Variants in UGT2B10 observed in about 807,000 individuals in gnomAD.
UGT2B10 encodes UDP glucuronosyltransferase family 2 member B10, also known as UDP-glucuronosyltransferase 2B10.
A neutral mutation model predicts 43.7 loss-of-function variants in UGT2B10; 51 were observed. That is an observed-to-expected ratio of 1.17 (90% CI 0.93 to 1.47). The LOEUF (loss-of-function observed/expected upper bound fraction) is 1.47, where lower values mean the gene tolerates loss of function less well. UGT2B10 is among the 40% of genes most tolerant of loss of function. The pLI, the probability that UGT2B10 is intolerant of heterozygous loss-of-function variation, is 0.00. For synonymous variants in UGT2B10, 225 were observed against 209.0 expected (o/e 1.08, Z -0.66); for missense variants, 696 against 617.7 (o/e 1.13, Z -1.34).
At chr4:68,827,697 C>T (rs1737869876) in intron 5 of UGT2B10, 149 bp downstream of exon 5, 1 of 1,351,092 alleles carries the variant, frequency 7.4e-7, no homozygotes, top group Admixed American at 2.9e-5. Flanking sequence ...TACTTTTTAT[C>T]TGTTATTTAA....
chr4:68,822,552 G>A (rs1737563027), intron 3 of UGT2B10, 150 bp downstream of exon 3: 1 of 1,513,446 alleles, frequency 6.6e-7, no homozygotes. Flanking sequence ...ACTGACAGAA[G>A]TAATAGTTGT....
chr4:68,828,250 C>T (rs1411380419), intron 5 of UGT2B10, among the ~76,000 whole-genome samples: 1 of 151,942 alleles, frequency 6.6e-6, no homozygotes. Flanking sequence ...AATGACATTT[C>T]ACCTAGCCTA....
Position 68,816,051 on chromosome 4 carries a change from T to C in UGT2B10, c.32T>C (p.Ile11Thr), listed in dbSNP as rs1263567182. 6 of 1,612,886 alleles carry C rather than the reference T, an allele frequency of 3.7e-6. No homozygotes were observed. Among genetic ancestry groups the C allele is most frequent in the East Asian group, 2.2e-5 (1 of 44,838 alleles). The change falls in exon 1 of 6, where the codon ATA becomes ACA. Residue 11 changes from isoleucine to threonine, a missense_variant. Coordinates refer to ENST00000265403, the MANE Select transcript of UGT2B10 (RefSeq NM_001075.6). MALKWTTVLL[I>T]QLSFYFSSGS... ...CTGAAATGGACTACAGTTCTGCTGATACAACTCAGTTTTTACTTTAGCTCT... is the reference window on the plus strand; with the variant it reads ...CTGAAATGGACTACAGTTCTGCTGACACAACTCAGTTTTTACTTTAGCTCT...
chr4:68,824,175 C>T (rs1268800669), intron 3 of UGT2B10, among the ~76,000 whole-genome samples: 1 of 152,250 alleles, frequency 6.6e-6, no homozygotes, highest in African/African-American at 2.4e-5. Flanking sequence ...GTTCAGGCTA[C>T]TATTCAGAGA....
At chr4:68,823,162 T>C (rs548033574) in intron 3 of UGT2B10, among the ~76,000 whole-genome samples, 61 of 152,216 alleles carry the variant, frequency 4.0e-4, no homozygotes, top group East Asian at 2.1e-3. Flanking sequence ...ATAACTGGCA[T>C]ATGTGGAGAG....
chr4:68,821,913 C>T (rs1253942623), intron 2 of UGT2B10, among the ~76,000 whole-genome samples: 1 of 151,622 alleles, frequency 6.6e-6, no homozygotes, highest in Non-Finnish European at 1.5e-5. Context: ...AGTGGTGCCA[C>T]TTTTCCAAGG....
At chr4:68,816,861 T>C (rs1260350521) in intron 1 of UGT2B10, 124 bp downstream of exon 1, 2 of 863,172 alleles carry the variant, frequency 2.3e-6, no homozygotes, top group African/African-American at 3.4e-5. Flanking sequence ...GAAATGAAAA[T>C]ACAAGATGAT....
Position 68,816,151 on chromosome 4 carries a change from A to C in UGT2B10, c.132A>C (p.Glu44Asp), listed in dbSNP as rs770357735. The C allele has an allele frequency of 1.7e-5, 27 of 1,613,096 alleles. No homozygotes were observed. Among genetic ancestry groups the C allele is most frequent in the Admixed American group, 3.3e-5 (2 of 59,890 alleles). ...TGAATATGAAGACAATCCTGAAAGA[A>C]CTTGTTCAGAGAGGTCATGAGGTGA... ...LWMNMKTILK[E>D]LVQRGHEVTV... The change falls in exon 1 of 6, where the codon GAA becomes GAC. Residue 44 changes from glutamate (E) to aspartate (D), a missense_variant. By Grantham distance (45) the Glu-to-Asp change is conservative. Transcript: ENST00000265403.
chr4:68,816,473 T>C lies in UGT2B10; in HGVS notation c.454T>C (p.Tyr152His), dbSNP rs1387279620. The C allele has an allele frequency of 6.2e-7, 1 of 1,613,246 alleles. No homozygotes were observed. Among genetic ancestry groups the C allele is most frequent in the Admixed American group, 1.7e-5 (1 of 59,910 alleles). The change falls in exon 1 of 6, where the codon TAT becomes CAT. Residue 152 changes from tyrosine (Y) to histidine (H), a missense_variant. Tyr to His is a moderately conservative substitution (Grantham distance 83). Coordinates refer to ENST00000265403, the MANE Select transcript of UGT2B10 (RefSeq NM_001075.6). Reference protein sequence around the residue: ...SRFDIVFADAYLPCGELLAEL... With the variant: ...SRFDIVFADAHLPCGELLAEL... Reference sequence around the variant, plus strand: ...ATTTGACATCGTTTTTGCAGATGCTTATTTACCCTGTGGTGAGCTGCTGGC... The same window carrying C: ...ATTTGACATCGTTTTTGCAGATGCTCATTTACCCTGTGGTGAGCTGCTGGC...
chr4:68,829,526 A>G (rs1446053802), intron 5 of UGT2B10, among the ~76,000 whole-genome samples: 1 of 152,028 alleles, frequency 6.6e-6, no homozygotes, highest in African/African-American at 2.4e-5. Flanking sequence ...TATATAAATC[A>G]TTTTAAAAAT....
Position 68,829,557 on chromosome 4 carries a change from TA to T in UGT2B10, c.1308-1041del, listed in dbSNP as rs562563463. ...AAAATTCTAGGAATCAGATAGAAAA[TA>T]AGCACAGTAAACAGAGAAAATCCTA... On this transcript the variant is annotated intron_variant, in intron 5 of 5. Transcript: ENST00000265403. Among the ~76,000 whole-genome samples the T allele has an allele frequency of 2.5e-3, 374 of 151,986 alleles. 2 individuals are homozygous for T. Among genetic ancestry groups the T allele is most frequent in the African/African-American group, 8.8e-3 (364 of 41,484 alleles).
chr4:68,823,257 C>T (rs1295973005), intron 3 of UGT2B10, among the ~76,000 whole-genome samples: 1 of 152,048 alleles, frequency 6.6e-6, no homozygotes, highest in African/African-American at 2.4e-5. Context: ...CCTGTAATCC[C>T]AGCACTTTGG....
chr4:68,818,991 A>T (rs777122143), intron 2 of UGT2B10, among the ~76,000 whole-genome samples: 1 of 151,930 alleles, frequency 6.6e-6, no homozygotes, highest in Admixed American at 6.6e-5. Flanking sequence ...CAGAAGGGCC[A>T]GACTGTAAAG....
chr4:68,830,821 GT>G lies in UGT2B10; in HGVS notation c.1531del (p.Cys511ValfsTer22), dbSNP rs867759745. 1.2e-6 allele frequency: 2 copies of G among 1,612,968 alleles called. No homozygotes were observed. Among genetic ancestry groups the G allele is most frequent in the African/African-American group, 2.7e-5 (2 of 74,782 alleles). On this transcript the variant is annotated frameshift_variant, in exon 6 of 6. Coordinates refer to ENST00000265403, the MANE Select transcript of UGT2B10 (RefSeq NM_001075.6). LOFTEE classifies it low-confidence loss of function (END_TRUNC). ...ACCGTGCTATTTATCATCACAAAGT[GT>G]TGTCTGTTTTGTTTCTGGAAGTTTG... is the stretch of plus-strand genomic sequence containing the variant. ...VATVLFIITK[C>X]CLFCFWKFAR...
intron 3 of UGT2B10, among the ~76,000 whole-genome samples, chr4:68,822,878 A>T (rs1737580569): frequency 6.6e-6 from 1 of 152,168 alleles, no homozygotes; most frequent in Admixed American, 6.6e-5. Flanking sequence ...AATTTTCTTC[A>T]AAAGAGTTTT....
At chr4:68,826,598 A>G in intron 4 of UGT2B10, 101 bp downstream of exon 4, 1 of 1,347,962 alleles carries the variant, frequency 7.4e-7, no homozygotes, top group South Asian at 1.4e-5. Flanking sequence ...TTATAGGAAA[A>G]CAAAAAAGAA....
At chr4:68,826,529 T>C (rs1737790144) in intron 4 of UGT2B10, 32 bp downstream of exon 4, 2 of 1,591,194 alleles carry the variant, frequency 1.3e-6, no homozygotes, top group Non-Finnish European at 8.6e-7. Flanking sequence ...CTGGATATAT[T>C]AGTAACTGCA....
At chr4:68,828,933 T>G (rs1459382027) in intron 5 of UGT2B10, among the ~76,000 whole-genome samples, 2 of 152,010 alleles carry the variant, frequency 1.3e-5, no homozygotes, top group Admixed American at 1.3e-4. Context: ...TTTTGGAAAT[T>G]AACAAAATAC....
At position 68,827,463 on chromosome 4, in the gene UGT2B10, A is replaced by G. The variant is rs1373505762; in HGVS notation, c.1222A>G (p.Lys408Glu). 3.1e-6 allele frequency: 5 copies of G among 1,613,456 alleles called. No individual in the cohort carries two copies. Among genetic ancestry groups the G allele is most frequent in the East Asian group, 2.2e-5 (1 of 44,836 alleles). The change falls in exon 5 of 6, where the codon AAG (lysine) becomes GAG (glutamate). Residue 408 changes from lysine to glutamate, a missense_variant. Coordinates refer to ENST00000265403, the MANE Select transcript of UGT2B10 (RefSeq NM_001075.6). Reference sequence around the variant, plus strand: ...TGATAATATTGCTCACATGAAGGCCAAGGGAGCAGCTGTTAGAGTGGACTT... The same window carrying G: ...TGATAATATTGCTCACATGAAGGCCGAGGGAGCAGCTGTTAGAGTGGACTT... ...QPDNIAHMKA[K>E]GAAVRVDFNT...
Sources: allele counts gnomAD v4.1 joint callset (sites outside exome capture counted in the v4.1 genomes callset), GRCh38; gene constraint gnomAD v4.1.1; transcripts MANE v1.5; gene names NCBI Gene and HGNC (gene_info 2026-07-23, HGNC 2026-07-21).